NEDD4L: variants seen among roughly 807,000 people sequenced by gnomAD.
The protein encoded by NEDD4L is NEDD4 like E3 ubiquitin protein ligase, also known as E3 ubiquitin-protein ligase NEDD4-like.
Under a neutral mutation model 148.9 loss-of-function variants are expected in NEDD4L, and 54 were observed. The observed-to-expected ratio is 0.36, with a 90% CI of 0.29 to 0.45. The LOEUF (loss-of-function observed/expected upper bound fraction) is 0.45. NEDD4L is among the 20% of genes least tolerant of loss of function. The pLI, the probability that NEDD4L is intolerant of heterozygous loss-of-function variation, is 1.00. For missense variants in NEDD4L, 856 were observed against 1,233.8 expected (o/e 0.69, Z 4.59); for synonymous variants, 433 against 440.7 (o/e 0.98, Z 0.22).
intron 2 of NEDD4L, among the ~76,000 whole-genome samples, chr18:58,197,254 G>A (rs984869079): frequency 2.6e-5 from 4 of 152,140 alleles, no homozygotes; most frequent in African/African-American, 4.8e-5. Context: ...CAAGACAAAC[G>A]CCATAAACCT....
chr18:58,325,249 A>T, intron 9 of NEDD4L, 87 bp downstream of exon 9: 2 of 1,486,654 alleles, frequency 1.3e-6, no homozygotes, highest in South Asian at 1.2e-5. Flanking sequence ...CAAGGCTGGG[A>T]AATAAATCAT....
intron 5 of NEDD4L, among the ~76,000 whole-genome samples, chr18:58,284,913 A>G (rs959094950): frequency 1.3e-5 from 2 of 152,188 alleles, no homozygotes; most frequent in Non-Finnish European, 2.9e-5. Flanking sequence ...CACATGGGCC[A>G]GCTCCTGTAA....
chr18:58,370,025 G>C (rs2046644311), intron 22 of NEDD4L, among the ~76,000 whole-genome samples: 1 of 152,178 alleles, frequency 6.6e-6, no homozygotes, highest in Non-Finnish European at 1.5e-5. Context: ...CCCTTCTCTG[G>C]CCTGTCTACC....
At chr18:58,230,734 C>T (rs150634361) in intron 2 of NEDD4L, among the ~76,000 whole-genome samples, 1,907 of 152,264 alleles carry the variant, frequency 0.013, 32 homozygotes, top group African/African-American at 0.033. Flanking sequence ...GAGAATACCA[C>T]ATTTTGGCAA....
intron 1 of NEDD4L, among the ~76,000 whole-genome samples, chr18:58,047,942 C>G (rs541396254): frequency 6.6e-6 from 1 of 152,212 alleles, no homozygotes; most frequent in South Asian, 2.1e-4. Context: ...GAACAAAATA[C>G]TGGGATTGAA....
intron 5 of NEDD4L, among the ~76,000 whole-genome samples, chr18:58,277,365 C>G (rs552088675): frequency 6.6e-6 from 1 of 152,222 alleles, no homozygotes; most frequent in African/African-American, 2.4e-5. Flanking sequence ...GTCAGGAGCT[C>G]TCTTCCTGGG....
At chr18:58,349,257 T>TCTTCCC (rs1750975010) in intron 16 of NEDD4L, among the ~76,000 whole-genome samples, 1 of 152,154 alleles carries the variant, frequency 6.6e-6, no homozygotes, top group South Asian at 2.1e-4. Flanking sequence ...GCTGGGACTC[T>TCTTCCC]CTTCCCCTTC....
chr18:58,250,841 G>A (rs2047836703), intron 4 of NEDD4L, among the ~76,000 whole-genome samples: 1 of 152,200 alleles, frequency 6.6e-6, no homozygotes. Flanking sequence ...TGATGTAAAT[G>A]AGAACATGTA....
At chr18:58,165,322 C>T (rs931762248) in intron 1 of NEDD4L, among the ~76,000 whole-genome samples, 1 of 152,146 alleles carries the variant, frequency 6.6e-6, no homozygotes, top group African/African-American at 2.4e-5. Context: ...TTGATGCCAA[C>T]ATTTTAAAAG....
chr18:58,117,173 C>T (rs931896293), intron 1 of NEDD4L, among the ~76,000 whole-genome samples: 1 of 152,196 alleles, frequency 6.6e-6, no homozygotes, highest in Non-Finnish European at 1.5e-5. Context: ...TTTACAGATT[C>T]ATTTAAGGTC....
At chr18:58,151,625 ATGTG>A (rs113714456) in intron 1 of NEDD4L, among the ~76,000 whole-genome samples, 22 of 141,048 alleles carry the variant, frequency 1.6e-4, no homozygotes, top group East Asian at 4.3e-4. Context: ...GTGCCTGGAT[ATGTG>A]TGTGTGTGTG....
intron 5 of NEDD4L, among the ~76,000 whole-genome samples, chr18:58,281,039 G>A (rs570768703): frequency 2.0e-5 from 3 of 152,200 alleles, no homozygotes; most frequent in Admixed American, 1.3e-4. Context: ...GCAGTGGCAT[G>A]CAATCATGGC....
At chr18:58,355,940 CAG>C (rs2044566654) in intron 18 of NEDD4L, among the ~76,000 whole-genome samples, 1 of 151,784 alleles carries the variant, frequency 6.6e-6, no homozygotes, top group Non-Finnish European at 1.5e-5. Context: ...AGAAAATAAA[CAG>C]AATCAATATT....
intron 1 of NEDD4L, chr18:58,046,732 C>T (rs2081602272): frequency 6.6e-6 from 1 of 152,168 alleles, no homozygotes; most frequent in African/African-American, 2.4e-5. Context: ...GGATTCACTC[C>T]TGCATGTTGC....
intron 22 of NEDD4L, among the ~76,000 whole-genome samples, chr18:58,369,788 G>A (rs568381366): frequency 6.6e-6 from 1 of 152,192 alleles, no homozygotes; most frequent in Non-Finnish European, 1.5e-5. Context: ...CCTCGCTGCT[G>A]TTGCCTCCCT....
chr18:58,115,245 C>CTTTTTTTTTTTTTTTTTTTT (rs60541981), intron 1 of NEDD4L, among the ~76,000 whole-genome samples: 1 of 129,538 alleles, frequency 7.7e-6, no homozygotes, highest in African/African-American at 2.9e-5. Context: ...TTCTTTCTTT[C>CTTTTTTTTTTTTTTTTTTTT]TTTTTTTTTT....
chr18:58,386,938 G>T (rs189838736), intron 26 of NEDD4L, among the ~76,000 whole-genome samples: 1 of 152,290 alleles, frequency 6.6e-6, no homozygotes, highest in East Asian at 1.9e-4. Context: ...TTCGCAGCGC[G>T]CAGGGCCCAG....
chr18:58,118,560 TTCC>T (rs767559433), intron 1 of NEDD4L, among the ~76,000 whole-genome samples: 2 of 152,224 alleles, frequency 1.3e-5, no homozygotes, highest in Non-Finnish European at 2.9e-5. Flanking sequence ...GGAACCTGTA[TTCC>T]TCCTCTTGTT....
At chr18:58,123,884 C>T (rs980918616) in intron 1 of NEDD4L, among the ~76,000 whole-genome samples, 2 of 152,194 alleles carry the variant, frequency 1.3e-5, no homozygotes, top group Non-Finnish European at 2.9e-5. Context: ...CATCTTCTTC[C>T]TGCTTCCCAA....
Sources: allele counts gnomAD v4.1 joint callset (sites outside exome capture counted in the v4.1 genomes callset), GRCh38; gene constraint gnomAD v4.1.1; transcripts MANE v1.5; gene names NCBI Gene and HGNC (gene_info 2026-07-23, HGNC 2026-07-21).